Variants in WDR62 observed in about 807,000 individuals in gnomAD.
WDR62 encodes the protein WD repeat-containing protein 62.
A neutral mutation model predicts 160.6 loss-of-function variants in WDR62; 112 were observed. The ratio of observed to expected loss-of-function variants is 0.70; its 90% confidence interval spans 0.60 to 0.82. WDR62 has a LOEUF of 0.82. Among genes scored for constraint, WDR62 ranks in the 40% least tolerant of loss-of-function variants. The pLI, the probability that WDR62 is intolerant of heterozygous loss-of-function variation, is 0.00. For missense variants in WDR62, 1,819 were observed against 1,983.8 expected (o/e 0.92, Z 1.58); for synonymous variants, 792 against 815.1 (o/e 0.97, Z 0.48).
chr19:36,092,228 C>T (rs1210046561), intron 18 of WDR62, among the ~76,000 whole-genome samples: 2 of 151,150 alleles, frequency 1.3e-5, no homozygotes, highest in Non-Finnish European at 2.9e-5. Context: ...TGAGAATGAC[C>T]TGAACCTGGG....
Position 36,103,882 on chromosome 19 carries a change from G to T in WDR62, c.4054G>T (p.Glu1352Ter). The change falls in exon 30 of 32, where the codon GAG becomes TAG. Residue 1352 changes from glutamate (E) to a stop codon, truncating the protein, a stop_gained. Transcript: ENST00000401500. LOFTEE classifies it high-confidence loss of function. Reference sequence around the variant, plus strand: ...CTTTCGCCCAAGTCTCCCAGCTCCTGAGTCCCCTGGCCTTCCTGCCCACCC... The same window carrying T: ...CTTTCGCCCAAGTCTCCCAGCTCCTTAGTCCCCTGGCCTTCCTGCCCACCC... ...SAFRPSLPAP[E>*]SPGLPAHPSN... is the part of the protein sequence containing the mutation. The T allele has an allele frequency of 1.9e-6, 3 of 1,600,706 alleles. No individual in the cohort carries two copies. Among genetic ancestry groups the T allele is most frequent in the Non-Finnish European group, 2.5e-6 (3 of 1,179,908 alleles).
At chr19:36,077,971 A>C (rs1350036402) in intron 9 of WDR62, among the ~76,000 whole-genome samples, 1 of 152,152 alleles carries the variant, frequency 6.6e-6, no homozygotes, top group African/African-American at 2.4e-5. Flanking sequence ...AATGTTTTCA[A>C]GATTTATCCA....
chr19:36,101,000 T>A, intron 23 of WDR62, 125 bp downstream of exon 23: 1 of 1,494,410 alleles, frequency 6.7e-7, no homozygotes, highest in Non-Finnish European at 9.3e-7. Flanking sequence ...GAGGCCTGGA[T>A]GGGGCAGGAG....
At chr19:36,102,467 G>A (rs1012334112) in intron 26 of WDR62, 2 of 583,830 alleles carry the variant, frequency 3.4e-6, no homozygotes, top group Non-Finnish European at 3.0e-6. Flanking sequence ...TCACCATGTT[G>A]GCCAGACTGG....
chr19:36,090,712 A>C (rs879688576), intron 16 of WDR62, among the ~76,000 whole-genome samples, 192 bp downstream of exon 16: 2 of 152,286 alleles, frequency 1.3e-5, no homozygotes, highest in South Asian at 2.1e-4. Flanking sequence ...CTTTATTTAC[A>C]GAGCCCTTCC....
chr19:36,067,510 C>T, intron 6 of WDR62, 67 bp downstream of exon 6: 3 of 1,605,768 alleles, frequency 1.9e-6, no homozygotes, highest in Non-Finnish European at 2.6e-6. Context: ...AGCATGGTCT[C>T]CTGTTTCTCC....
chr19:36,057,316 A>T (rs1306302065), intron 1 of WDR62, among the ~76,000 whole-genome samples: 4 of 151,828 alleles, frequency 2.6e-5, no homozygotes, highest in South Asian at 2.1e-4. Context: ...ATATTTATTT[A>T]TTTTTTTTGT....
At chr19:36,083,789 TG>T (rs925112833) in intron 11 of WDR62, among the ~76,000 whole-genome samples, 14 of 151,794 alleles carry the variant, frequency 9.2e-5, no homozygotes, top group African/African-American at 2.9e-4. Context: ...GGAGGAGAGT[TG>T]GGGGAAACTA....
rs766074970 is a variant in WDR62, at chr19:36,071,613, G to A, written c.940G>A (p.Asp314Asn). ...GGAGCTCATCTTCTGTGGCTGCACAGATGGGATAGTCCGCATCTTCCAGGC... is the reference window on the plus strand; with the variant it reads ...GGAGCTCATCTTCTGTGGCTGCACAAATGGGATAGTCCGCATCTTCCAGGC... ...SQELIFCGCT[D>N]GIVRIFQAHS... is the part of the protein sequence containing the mutation. The change falls in exon 8 of 32, where the codon GAT (aspartate) becomes AAT (asparagine). Residue 314 changes from aspartate (D) to asparagine (N), a missense_variant. By Grantham distance (23) the Asp-to-Asn change is conservative. Coordinates refer to ENST00000401500, the MANE Select transcript of WDR62 (RefSeq NM_001083961.2). The A allele has an allele frequency of 5.0e-6, 8 of 1,614,112 alleles. No individual in the cohort carries two copies. The African/African-American group carries it at 1.1e-4, about 22-fold the overall frequency.
rs555091457 is a variant in WDR62, at chr19:36,069,566, G to A, written c.882+1556G>A. The stretch of plus-strand genomic sequence containing the variant: ...AGACGATGGGCGGCCAGGCAGAGAC[G>A]CTCCTCACTTCCCAGACGGGGTGGC... On this transcript the variant is annotated intron_variant, in intron 7 of 31. Transcript: ENST00000401500. Among the ~76,000 whole-genome samples, 1,095 of 152,300 alleles carry A rather than the reference G, an allele frequency of 7.2e-3. 15 individuals are homozygous for A. Among genetic ancestry groups the A allele is most frequent in the African/African-American group, 0.026 (1,062 of 41,558 alleles).
rs114748313 is a variant in WDR62, at chr19:36,102,562, A to G, written c.3221-175A>G. ...AGGCGTGAGCCACCGTGCCCGGCCC[A>G]CTGCTTCACTCTTGACCTGAGCCTC... On this transcript the variant is annotated intron_variant, in intron 26 of 31. Coordinates refer to ENST00000401500, the MANE Select transcript of WDR62 (RefSeq NM_001083961.2). 0.011 allele frequency: 6,747 copies of G among 635,682 alleles called. 95 individuals are homozygous for G. Among genetic ancestry groups the G allele is most frequent in the South Asian group, 0.04 (2,098 of 52,204 alleles). The allele number at this position is 635,682 out of a possible 1,614,324, so 39.4% of individuals were successfully genotyped here.
At chr19:36,101,393 C>G in intron 24 of WDR62, 76 bp downstream of exon 24, 1 of 1,293,542 alleles carries the variant, frequency 7.7e-7, no homozygotes, top group East Asian at 2.4e-5. Flanking sequence ...CCGATGGTGA[C>G]TTTGACCCAG....
intron 20 of WDR62, among the ~76,000 whole-genome samples, chr19:36,096,644 G>A (rs1194032288): frequency 6.6e-6 from 1 of 151,728 alleles, no homozygotes; most frequent in Non-Finnish European, 1.5e-5. Flanking sequence ...CCGGGAGGTG[G>A]AGGTTGCAGT....
chr19:36,108,373 C>T (rs987899666), downstream of WDR62, among the ~76,000 whole-genome samples: 1 of 151,290 alleles, frequency 6.6e-6, no homozygotes, highest in African/African-American at 2.4e-5. Flanking sequence ...CCTGCTTCTA[C>T]CCCCACATCT....
chr19:36,104,494 C>T lies in WDR62; in HGVS notation c.4154-24C>T, dbSNP rs1243870803. The stretch of plus-strand genomic sequence containing the variant: ...CACCAATGGAATGCAGCTCATCTTG[C>T]TCATTCCCTTCTCTCTACCCCAGGT... On this transcript the variant is annotated intron_variant, in intron 30 of 31. Transcript: ENST00000401500. 20 of 1,612,668 alleles carry T rather than the reference C, an allele frequency of 1.2e-5. No individual in the cohort carries two copies. In the East Asian group the frequency reaches 4.5e-4, roughly 36 times the overall value.
intron 9 of WDR62, chr19:36,073,881 AT>A: frequency 5.3e-6 from 2 of 374,664 alleles, no homozygotes; most frequent in Non-Finnish European, 1.0e-5. Flanking sequence ...CCTGCAGGAA[AT>A]CGGGGAGTGA....
chr19:36,090,391 AGGT>A (rs1972517464), intron 15 of WDR62, 51 bp from the exon 16 acceptor site: 1 of 1,555,036 alleles, frequency 6.4e-7, no homozygotes, highest in African/African-American at 1.4e-5. Context: ...CCAGAGAATG[AGGT>A]GGTGGGGTAG....
intron 21 of WDR62, 89 bp downstream of exon 21, chr19:36,097,168 G>A (rs1973022158): frequency 3.1e-6 from 4 of 1,306,372 alleles, no homozygotes; most frequent in East Asian, 2.4e-5. Context: ...TCCTTTCCAT[G>A]TCCCTCTTTT....
intron 9 of WDR62, among the ~76,000 whole-genome samples, chr19:36,078,207 G>A (rs1456127800): frequency 6.6e-6 from 1 of 151,426 alleles, no homozygotes; most frequent in Admixed American, 6.6e-5. Context: ...GGGTGCAGTG[G>A]TATGATCTCC....
Sources: allele counts gnomAD v4.1 joint callset (sites outside exome capture counted in the v4.1 genomes callset), GRCh38; gene constraint gnomAD v4.1.1; transcripts MANE v1.5; gene names NCBI Gene and HGNC (gene_info 2026-07-23, HGNC 2026-07-21).